The following TXNDC16 variants were observed in gnomAD, a reference collection of about 807,000 sequenced individuals.
TXNDC16 encodes the protein thioredoxin domain containing 16.
In TXNDC16, 74 loss-of-function variants were observed where a neutral mutation model predicts 85.6. The observed-to-expected ratio is 0.86, with a 90% confidence interval of 0.72 to 1.05. The LOEUF (loss-of-function observed/expected upper bound fraction) is 1.05, where lower values mean the gene tolerates loss of function less well. Among genes scored for constraint, TXNDC16 ranks in the 50% least tolerant of loss-of-function variants. The probability of loss-of-function intolerance (pLI) is 0.00; values close to 1 mark genes in which losing one functional copy is unlikely to be tolerated. For missense variants in TXNDC16, 959 were observed against 947.0 expected (o/e 1.01, Z -0.17); for synonymous variants, 335 against 326.5 (o/e 1.03, Z -0.28).
At chr14:52,524,687 G>A (rs569476482) in intron 6 of TXNDC16, among the ~76,000 whole-genome samples, 1 of 152,008 alleles carries the variant, frequency 6.6e-6, no homozygotes, top group Non-Finnish European at 1.5e-5. Flanking sequence ...AGAGACTGGG[G>A]TCTCATTGTA....
Position 52,519,214 on chromosome 14 carries a change from C to T in TXNDC16, c.472G>A (p.Ala158Thr). 1 of 1,611,594 alleles carries T rather than the reference C, an allele frequency of 6.2e-7. No homozygotes were observed. Among genetic ancestry groups the T allele is most frequent in the Non-Finnish European group, 8.5e-7 (1 of 1,178,930 alleles). The change falls in exon 7 of 21, where the codon GCA (alanine) becomes ACA (threonine). Residue 158 changes from alanine (A) to threonine (T), a missense_variant. Coordinates refer to ENST00000281741, the MANE Select transcript of TXNDC16 (RefSeq NM_020784.3). ...CTTACATATGAGAATATAATATTTGCTTTTCCTTTCAGAGCATTTTCTATG... is the reference window on the plus strand; with the variant it reads ...CTTACATATGAGAATATAATATTTGTTTTTCCTTTCAGAGCATTTTCTATG... ...QNIENALKGKANIIFSYVRAI... is the reference protein window; with the variant it reads ...QNIENALKGKTNIIFSYVRAI...
intron 16 of TXNDC16, among the ~76,000 whole-genome samples, chr14:52,463,276 T>G (rs1044810372): frequency 5.3e-5 from 8 of 151,986 alleles, no homozygotes; most frequent in African/African-American, 1.9e-4. Flanking sequence ...GAAAGAGAAC[T>G]TACCCACGAT....
At chr14:52,518,514 G>C (rs2037136891) in intron 7 of TXNDC16, among the ~76,000 whole-genome samples, 1 of 152,128 alleles carries the variant, frequency 6.6e-6, no homozygotes, top group South Asian at 2.1e-4. Flanking sequence ...CAATAGATCA[G>C]CAAACTCAGT....
intron 6 of TXNDC16, among the ~76,000 whole-genome samples, chr14:52,534,643 C>T (rs184640582): frequency 1.2e-4 from 18 of 152,272 alleles, no homozygotes; most frequent in Non-Finnish European, 2.4e-4. Context: ...TAAATATCCA[C>T]CCTCATTCTA....
At chr14:52,520,094 T>A (rs2037174857) in intron 6 of TXNDC16, among the ~76,000 whole-genome samples, 1 of 152,124 alleles carries the variant, frequency 6.6e-6, no homozygotes, top group Non-Finnish European at 1.5e-5. Context: ...AAAGAAAAAG[T>A]AGGGCAGGAA....
At chr14:52,448,098 G>A (rs2035326415) in intron 18 of TXNDC16, among the ~76,000 whole-genome samples, 1 of 151,334 alleles carries the variant, frequency 6.6e-6, no homozygotes, top group African/African-American at 2.4e-5. Flanking sequence ...GCCTTAAAGA[G>A]GAGATAGAGA....
At chr14:52,527,080 A>T (rs2037353596) in intron 6 of TXNDC16, among the ~76,000 whole-genome samples, 1 of 152,222 alleles carries the variant, frequency 6.6e-6, no homozygotes, top group Non-Finnish European at 1.5e-5. Flanking sequence ...ACTCTTTGTA[A>T]TACACCAATA....
rs756170059 is a variant in TXNDC16, at chr14:52,519,203, TATA to T, written c.480_482del (p.Ile161del). The stretch of plus-strand genomic sequence containing the variant: ...TTCCAATGGCTCTTACATATGAGAA[TATA>T]ATATTTGCTTTTCCTTTCAGAGCAT... On this transcript the variant is annotated inframe_deletion, in exon 7 of 21. Transcript: ENST00000281741. 3.4e-5 allele frequency: 55 copies of T among 1,611,936 alleles called. No individual in the cohort carries two copies. Among genetic ancestry groups the T allele is most frequent in the Non-Finnish European group, 4.2e-5 (50 of 1,179,114 alleles).
At chr14:52,439,154 T>C (rs2035104625) in intron 20 of TXNDC16, 50 bp downstream of exon 20, 1 of 1,542,250 alleles carries the variant, frequency 6.5e-7, no homozygotes, top group East Asian at 2.3e-5. Flanking sequence ...GTTTAACATT[T>C]ATGGAACAAA....
chr14:52,497,880 CAAAAA>C (rs36007755), intron 9 of TXNDC16, among the ~76,000 whole-genome samples: 1 of 95,568 alleles, frequency 1.0e-5, no homozygotes, highest in Non-Finnish European at 2.1e-5. Context: ...GACTCTGTCT[CAAAAA>C]AAAAAAAAAA....
intron 8 of TXNDC16, among the ~76,000 whole-genome samples, chr14:52,511,916 T>C (rs1364685387): frequency 6.6e-6 from 1 of 152,132 alleles, no homozygotes; most frequent in African/African-American, 2.4e-5. Flanking sequence ...ACTCAGCAAA[T>C]ATGGCTTATA....
At chr14:52,514,991 G>A in intron 7 of TXNDC16, 21 bp from the exon 8 acceptor site, 3 of 1,580,984 alleles carry the variant, frequency 1.9e-6, no homozygotes, top group Non-Finnish European at 2.6e-6. Flanking sequence ...GATAAAGGGA[G>A]TTGGAAGACA....
At chr14:52,550,157 G>A (rs1361052252) in intron 1 of TXNDC16, among the ~76,000 whole-genome samples, 2 of 152,152 alleles carry the variant, frequency 1.3e-5, no homozygotes, top group Non-Finnish European at 1.5e-5. Flanking sequence ...CAGAAAAGAA[G>A]GAAATTAACA....
chr14:52,505,600 A>T (rs2036778094), intron 9 of TXNDC16, among the ~76,000 whole-genome samples: 1 of 152,266 alleles, frequency 6.6e-6, no homozygotes, highest in Non-Finnish European at 1.5e-5. Flanking sequence ...CTAAATGCCC[A>T]CATGAGAATG....
chr14:52,442,267 C>T (rs541204239), intron 18 of TXNDC16, among the ~76,000 whole-genome samples: 74 of 152,106 alleles, frequency 4.9e-4, no homozygotes, highest in Non-Finnish European at 9.0e-4. Flanking sequence ...GATACACCTG[C>T]GAGCTAGATA....
chr14:52,491,382 G>C (rs2036403732), intron 9 of TXNDC16, among the ~76,000 whole-genome samples: 2 of 124,606 alleles, frequency 1.6e-5, no homozygotes, highest in Admixed American at 9.6e-5. Context: ...ATTTTTTGTA[G>C]AGACGAGGTC....
Position 52,519,152 on chromosome 14 carries a change from A to C in TXNDC16, c.514+20T>G. On this transcript the variant is annotated intron_variant, in intron 7 of 20. Transcript: ENST00000281741. ...AAGTACAGAGGCACAGCAAAGATTA[A>C]AGCAAAAGTTAAAGAATACCTGGTA... The C allele has an allele frequency of 6.2e-7, 1 of 1,602,480 alleles. No individual in the cohort carries two copies. The highest frequency in any genetic ancestry group is 8.5e-7 in the Non-Finnish European group (1 of 1,175,292).
At chr14:52,521,529 C>T (rs181395466) in intron 6 of TXNDC16, among the ~76,000 whole-genome samples, 4 of 152,222 alleles carry the variant, frequency 2.6e-5, no homozygotes, top group Admixed American at 2.6e-4. Context: ...ATCATGTAGC[C>T]TCTAGAACCC....
At chr14:52,478,306 G>A (rs2036064322) in intron 14 of TXNDC16, among the ~76,000 whole-genome samples, 1 of 152,006 alleles carries the variant, frequency 6.6e-6, no homozygotes, top group South Asian at 2.1e-4. Flanking sequence ...GAACCCAGCA[G>A]AAGAAAGGAA....
Sources: gnomAD v4.1 joint callset for allele counts (sites outside exome capture counted in the v4.1 genomes callset) on GRCh38, gnomAD v4.1.1 for gene constraint, MANE v1.5 for transcripts, NCBI Gene and HGNC (gene_info 2026-07-23, HGNC 2026-07-21) for gene names.